Variants in KCNN1 observed in about 807,000 individuals in gnomAD.
KCNN1 encodes the protein small conductance calcium-activated potassium channel protein 1.
In KCNN1, 20 loss-of-function variants were observed where a neutral mutation model predicts 44.7. The ratio of observed to expected loss-of-function variants is 0.45; its 90% CI spans 0.32 to 0.65. KCNN1 has a LOEUF of 0.65. Ranked by LOEUF, KCNN1 falls within the 30% of genes least tolerant of loss-of-function variation. The pLI, the probability that KCNN1 is intolerant of heterozygous loss-of-function variation, is 0.05. For synonymous variants in KCNN1, 324 were observed against 341.7 expected (o/e 0.95, Z 0.57); for missense variants, 632 against 785.3 (o/e 0.80, Z 2.33).
In KCNN1 at chr19:17,993,124, CA is replaced by C; in HGVS notation, c.1307+63del. 2.5e-6 allele frequency: 4 copies of C among 1,600,188 alleles called. No homozygotes were observed. The highest frequency in any genetic ancestry group is 1.7e-5 in the Admixed American group (1 of 59,438). On this transcript the variant is annotated intron_variant, in intron 8 of 9. Transcript: ENST00000684775. This position sits in a 1 kb window ranked among gnomAD's most constrained non-coding sequence, Gnocchi z 4.5. Reference sequence around the variant, plus strand: ...ATCGGGGGTGCATGGTGGTCACAGACAGGGGGTACACCCGGGGCATGCCAAC... The same window carrying C: ...ATCGGGGGTGCATGGTGGTCACAGACGGGGGTACACCCGGGGCATGCCAAC...
rs2033126272 is a variant in KCNN1, at chr19:17,999,878, G to T, written c.*1472G>T. The T allele has an allele frequency of 6.7e-6, 3 of 444,902 alleles. No homozygotes were observed. In the Admixed American group the frequency reaches 7.3e-5, roughly 11 times the overall value. 27.6% of individuals were successfully genotyped at this position (444,902 alleles called of 1,614,324 possible). A position where few individuals can be genotyped will look rare whatever the true frequency, so the allele number is the denominator to read the frequency against. On this transcript the variant is annotated 3_prime_UTR_variant, in exon 10 of 10. Transcript: ENST00000684775. ...CCAGCTTGGGCCCACGCACGAGAAG[G>T]GTATGAGGAGGTGCTGGTCAGACCC...
intron 1 of KCNN1, among the ~76,000 whole-genome samples, chr19:17,968,155 C>T (rs1279274380): frequency 6.6e-6 from 1 of 151,878 alleles, no homozygotes; most frequent in Non-Finnish European, 1.5e-5. Context: ...GACACCCGGA[C>T]TCTGGCTGCG....
At chr19:17,972,570 C>G (rs1185405957) in intron 1 of KCNN1, among the ~76,000 whole-genome samples, 1 of 152,108 alleles carries the variant, frequency 6.6e-6, no homozygotes, top group Non-Finnish European at 1.5e-5. Context: ...CTCCTGGAAA[C>G]CATTTGGATT....
intron 1 of KCNN1, among the ~76,000 whole-genome samples, chr19:17,969,507 C>T (rs1223012582): frequency 1.3e-5 from 2 of 152,072 alleles, no homozygotes; most frequent in Admixed American, 6.5e-5. Context: ...CACCCCTCCA[C>T]CCCTCCACCC....
intron 5 of KCNN1, among the ~76,000 whole-genome samples, chr19:17,987,330 G>A (rs1292705287): frequency 5.3e-5 from 8 of 151,998 alleles, no homozygotes; most frequent in African/African-American, 1.4e-4. Flanking sequence ...GGCTGGTCTC[G>A]AACTCTTGAC....
chr19:17,960,788 C>T (rs1383101499), intron 2 of KCNN1, among the ~76,000 whole-genome samples: 2 of 152,092 alleles, frequency 1.3e-5, no homozygotes, highest in Non-Finnish European at 2.9e-5. Flanking sequence ...CTGGTGGCTC[C>T]TGGTGTTCTT....
intron 3 of KCNN1, among the ~76,000 whole-genome samples, chr19:17,978,251 T>C (rs2032275172): frequency 6.7e-6 from 1 of 149,716 alleles, no homozygotes; most frequent in Admixed American, 6.7e-5. Flanking sequence ...CTCAGCCTCC[T>C]GAGTAGCTGG....
chr19:17,985,242 A>G, intron 4 of KCNN1, 70 bp from the exon 5 acceptor site: 1 of 1,439,088 alleles, frequency 6.9e-7, no homozygotes, highest in Non-Finnish European at 9.2e-7. Flanking sequence ...GCGCTGCCCC[A>G]GGGGGTGTGA....
rs1421478878 is a variant in KCNN1 at position 17,984,843 on chromosome 19, G to A, written c.918-469G>A. Reference sequence around the variant, plus strand: ...GGACTCATGCTGTCCTCCAGTCTATGTCCTTCCTATATGGACGTCCCTTCT... The same window carrying A: ...GGACTCATGCTGTCCTCCAGTCTATATCCTTCCTATATGGACGTCCCTTCT... On this transcript the variant is annotated intron_variant, in intron 4 of 9. Coordinates refer to ENST00000684775, the MANE Select transcript of KCNN1 (RefSeq NM_001386974.1). Among the ~76,000 whole-genome samples, 3 of 152,106 alleles carry A rather than the reference G, an allele frequency of 2.0e-5. No homozygotes were observed. In the East Asian group the frequency reaches 5.8e-4, roughly 29 times the overall value.
Position 17,998,235 on chromosome 19 carries a change from C to T in KCNN1, c.1461C>T (p.Ser487=), listed in dbSNP as rs1340891854. ...AGGCCCGCCTGGCCACCCTGGAAAG[C>T]CGCTTGGATGCGCTGGGTGCCTCTC... is the stretch of plus-strand genomic sequence containing the variant. ...ELEARLATLE[S]RLDALGASLQ... The change falls in exon 10 of 10, where the codon AGC becomes AGT. Residue 487 remains serine (S), a synonymous_variant. Transcript: ENST00000684775. This position sits in a 1 kb window ranked among gnomAD's most constrained non-coding sequence, Gnocchi z 5.4. 4 of 1,577,336 alleles carry T rather than the reference C, an allele frequency of 2.5e-6. No individual in the cohort carries two copies. In the African/African-American group the frequency reaches 4.0e-5, roughly 16 times the overall value.
chr19:17,977,516 T>G (rs1333801750), intron 3 of KCNN1, among the ~76,000 whole-genome samples: 3 of 151,842 alleles, frequency 2.0e-5, no homozygotes, highest in African/African-American at 7.3e-5. Flanking sequence ...AATTTTTAAA[T>G]TTTTTGCTTT....
intron 2 of KCNN1, among the ~76,000 whole-genome samples, chr19:17,959,105 C>T (rs1599996574): frequency 6.6e-6 from 1 of 151,352 alleles, no homozygotes; most frequent in Non-Finnish European, 1.5e-5. Context: ...ACAACCTCTG[C>T]TTCCCAGGTT....
At position 17,974,127 on chromosome 19, in the gene KCNN1, A is replaced by G; in HGVS notation, c.239A>G (p.Gln80Arg). ...GATGAGGAAGATGAGGCCGGCAGGC[A>G]GAGAGCCTCGGGGAAACCCTCAAAT... ...EDDEEDEAGR[Q>R]RASGKPSNVG... The change falls in exon 2 of 10, where the codon CAG becomes CGG. Residue 80 changes from glutamine (Q) to arginine (R), a missense_variant. Around this residue, in one of 3 missense-constraint regions of KCNN1, gnomAD observed 235 missense variants for 224.0 expected, o/e 1.05. Coordinates refer to ENST00000684775, the MANE Select transcript of KCNN1 (RefSeq NM_001386974.1). This position sits in a 1 kb window ranked among gnomAD's most constrained non-coding sequence, Gnocchi z 7.3. 6.2e-7 allele frequency: 1 copy of G among 1,613,110 alleles called. No individual in the cohort carries two copies.
At position 18,000,018 on chromosome 19, in the gene KCNN1, C is replaced by A; in HGVS notation, c.*1612C>A. 1 of 455,908 alleles carries A rather than the reference C, an allele frequency of 2.2e-6. No individual in the cohort carries two copies. Among genetic ancestry groups the A allele is most frequent in the Non-Finnish European group, 4.4e-6 (1 of 226,756 alleles). The allele number at this position is 455,908 out of a possible 1,614,324, so 28.2% of individuals were successfully genotyped here. On this transcript the variant is annotated 3_prime_UTR_variant, in exon 10 of 10. Coordinates refer to ENST00000684775, the MANE Select transcript of KCNN1 (RefSeq NM_001386974.1). ...TGACAGTCTATTTAACCAGAACTCC[C>A]TAAAAAGGGCCAGGCAACTGGTAGG...
At chr19:17,996,166 C>CA (rs757072562) in intron 9 of KCNN1, among the ~76,000 whole-genome samples, 32,059 of 91,886 alleles carry the variant, frequency 0.35, 4,897 homozygotes, top group East Asian at 0.45. Flanking sequence ...TCCATTGCTA[C>CA]AAAAAAAAAA....
intron 7 of KCNN1, among the ~76,000 whole-genome samples, chr19:17,992,546 A>G (rs1431290384): frequency 6.6e-6 from 1 of 152,172 alleles, no homozygotes; most frequent in Non-Finnish European, 1.5e-5. Flanking sequence ...GGTTGCAGTG[A>G]GCTGAGACCA....
At position 17,973,864 on chromosome 19, in the gene KCNN1, G is replaced by A; in HGVS notation, c.-25G>A. 1.3e-6 allele frequency: 2 copies of A among 1,546,052 alleles called. No homozygotes were observed. The highest frequency in any genetic ancestry group is 2.4e-5 in the South Asian group (2 of 84,164). Reference sequence around the variant, plus strand: ...CCGGGCCCCGGGCGGCCTGCAGCGAGCCCAACCCCTGCACCCAGGTAGTCA... The same window carrying A: ...CCGGGCCCCGGGCGGCCTGCAGCGAACCCAACCCCTGCACCCAGGTAGTCA... On this transcript the variant is annotated 5_prime_UTR_variant, in exon 2 of 10. Coordinates refer to ENST00000684775, the MANE Select transcript of KCNN1 (RefSeq NM_001386974.1).
At position 17,970,289 on chromosome 19, in the gene KCNN1, A is replaced by ATTTT. The variant is rs71164333; in HGVS notation, c.-82+3014_-82+3017dup. Among the ~76,000 whole-genome samples, 17 of 56,930 alleles carry ATTTT rather than the reference A, an allele frequency of 3.0e-4. 1 individual carries two copies. Among genetic ancestry groups the ATTTT allele is most frequent in the East Asian group, 6.0e-4 (1 of 1,656 alleles). 37.3% of individuals were successfully genotyped at this position (56,930 alleles called of 152,430 possible). ...AGGTCACCTGACCATAGAAGGAATG[A>ATTTT]TTTTTTTTTTTTTTTTTTTTTTTTT... On this transcript the variant is annotated intron_variant, in intron 1 of 9. Coordinates refer to ENST00000684775, the MANE Select transcript of KCNN1 (RefSeq NM_001386974.1).
intron 4 of KCNN1, among the ~76,000 whole-genome samples, chr19:17,985,075 T>A (rs889700597): frequency 6.6e-6 from 1 of 152,020 alleles, no homozygotes; most frequent in Non-Finnish European, 1.5e-5. Flanking sequence ...TCATACAACC[T>A]CACCTGGGCC....
Sources: allele counts gnomAD v4.1 joint callset (sites outside exome capture counted in the v4.1 genomes callset), GRCh38; gene constraint gnomAD v4.1.1; regional missense constraint gnomAD v4.1.1; non-coding constraint Gnocchi (gnomAD v3.1); transcripts MANE v1.5; gene names NCBI Gene and HGNC (gene_info 2026-07-23, HGNC 2026-07-21).